Variants in MTHFD2L observed in about 807,000 individuals in gnomAD.
MTHFD2L encodes methylenetetrahydrofolate dehydrogenase (NADP+ dependent) 2 like, also known as bifunctional methylenetetrahydrofolate dehydrogenase/cyclohydrolase 2, mitochondrial.
In MTHFD2L, 29 loss-of-function variants were observed where a neutral mutation model predicts 34.9. The observed-to-expected ratio is 0.83, with a 90% confidence interval of 0.62 to 1.13. The LOEUF is 1.13. MTHFD2L is among the 50% of genes most tolerant of loss of function. The pLI, the probability that MTHFD2L is intolerant of heterozygous loss-of-function variation, is 0.00. For synonymous variants in MTHFD2L, 167 were observed against 155.7 expected (o/e 1.07, Z -0.54); for missense variants, 481 against 446.5 (o/e 1.08, Z -0.70).
chr4:74,293,445 C>T (rs993729322), intron 7 of MTHFD2L: 16 of 788,056 alleles, frequency 2.0e-5, no homozygotes, highest in African/African-American at 1.3e-4. Context: ...TACATTTCTA[C>T]CACATTAGGA....
At chr4:74,207,618 TCA>T (rs1287307478) in intron 5 of MTHFD2L, among the ~76,000 whole-genome samples, 2 of 152,184 alleles carry the variant, frequency 1.3e-5, no homozygotes, top group African/African-American at 2.4e-5. Flanking sequence ...CATTCAGTTT[TCA>T]CACTCAAGCT....
upstream of MTHFD2L, among the ~76,000 whole-genome samples, chr4:74,119,746 G>T (rs1721719293): frequency 6.6e-6 from 1 of 151,982 alleles, no homozygotes; most frequent in South Asian, 2.1e-4. Flanking sequence ...TCGTGCCACT[G>T]CACTCCAGCC....
intron 6 of MTHFD2L, among the ~76,000 whole-genome samples, chr4:74,249,717 T>A (rs1429164769): frequency 6.6e-6 from 1 of 152,168 alleles, no homozygotes; most frequent in African/African-American, 2.4e-5. Context: ...CTGTAAAGTA[T>A]TTTATTTCTC....
intron 6 of MTHFD2L, among the ~76,000 whole-genome samples, chr4:74,243,042 T>C (rs1221786278): frequency 6.6e-6 from 1 of 151,916 alleles, no homozygotes. Context: ...AATTTGAAAA[T>C]TGATGAGAGA....
At chr4:74,130,248 C>G (rs1722382573) in intron 1 of MTHFD2L, among the ~76,000 whole-genome samples, 1 of 152,138 alleles carries the variant, frequency 6.6e-6, no homozygotes, top group African/African-American at 2.4e-5. Flanking sequence ...AGGTCATCAT[C>G]ACCCTGATAC....
At chr4:74,227,230 C>A (rs2110127952) in intron 6 of MTHFD2L, among the ~76,000 whole-genome samples, 1 of 152,274 alleles carries the variant, frequency 6.6e-6, no homozygotes, top group Non-Finnish European at 1.5e-5. Flanking sequence ...GCATCGATAG[C>A]TTTTGCTCAG....
chr4:74,134,764 A>C (rs1304399555), intron 1 of MTHFD2L, among the ~76,000 whole-genome samples: 1 of 152,152 alleles, frequency 6.6e-6, no homozygotes, highest in African/African-American at 2.4e-5. Flanking sequence ...AAATTTAACA[A>C]GGAAATTGAA....
chr4:74,144,964 A>T (rs1723501649), intron 1 of MTHFD2L, among the ~76,000 whole-genome samples: 1 of 152,212 alleles, frequency 6.6e-6, no homozygotes, highest in Non-Finnish European at 1.5e-5. Context: ...CAGCAAAGAT[A>T]TCTGATCCTC....
chr4:74,295,808 A>T (rs1749559453), intron 7 of MTHFD2L, among the ~76,000 whole-genome samples: 1 of 152,042 alleles, frequency 6.6e-6, no homozygotes, highest in South Asian at 2.1e-4. Flanking sequence ...TACCTGAGGG[A>T]AGCTTCTTGC....
chr4:74,179,628 G>A (rs992054567), intron 3 of MTHFD2L, among the ~76,000 whole-genome samples: 1 of 151,118 alleles, frequency 6.6e-6, no homozygotes, highest in Non-Finnish European at 1.5e-5. Flanking sequence ...CTCATAAAAA[G>A]AGAATTGAAA....
At chr4:74,288,034 A>G (rs982063276) in intron 7 of MTHFD2L, among the ~76,000 whole-genome samples, 3 of 152,096 alleles carry the variant, frequency 2.0e-5, no homozygotes, top group African/African-American at 7.2e-5. Flanking sequence ...GTGTCTTCTC[A>G]TTGTCTTACC....
intron 1 of MTHFD2L, among the ~76,000 whole-genome samples, chr4:74,126,660 C>A (rs1016336694): frequency 6.6e-6 from 1 of 151,886 alleles, no homozygotes; most frequent in Non-Finnish European, 1.5e-5. Flanking sequence ...TAAGAAGCAC[C>A]CCCTACCAGT....
chr4:74,130,503 T>C (rs865982576), intron 1 of MTHFD2L, among the ~76,000 whole-genome samples: 4 of 152,160 alleles, frequency 2.6e-5, no homozygotes, highest in African/African-American at 9.7e-5. Context: ...ATTATCTCAA[T>C]AGATGCAGAA....
At chr4:74,184,679 T>C (rs1432595726) in intron 3 of MTHFD2L, among the ~76,000 whole-genome samples, 2 of 152,132 alleles carry the variant, frequency 1.3e-5, no homozygotes, top group Non-Finnish European at 2.9e-5. Context: ...ATAATTAAAA[T>C]TTATAGAATA....
Position 74,201,378 on chromosome 4 carries a change from G to A in MTHFD2L, c.712+8G>A, listed in dbSNP as rs767051072. 9.4e-6 allele frequency: 15 copies of A among 1,593,302 alleles called. No homozygotes were observed. In the East Asian group the frequency reaches 3.1e-4, roughly 33 times the overall value. Reference sequence around the variant, plus strand: ...AGCATGAACGGCCAGGAGGTAGGTAGAACCTTGCAGATTCTACACTCTCTC... The same window carrying A: ...AGCATGAACGGCCAGGAGGTAGGTAAAACCTTGCAGATTCTACACTCTCTC... On this transcript the variant is annotated splice_region_variant and intron_variant, in intron 5 of 7. Coordinates refer to ENST00000325278, the MANE Select transcript of MTHFD2L (RefSeq NM_001144978.3).
intron 7 of MTHFD2L, among the ~76,000 whole-genome samples, chr4:74,290,998 C>CTTTTTTTTTTTTTTTTTTTTTTTTT (rs1560565979): frequency 2.2e-5 from 1 of 46,186 alleles, no homozygotes; most frequent in African/African-American, 6.7e-5. Flanking sequence ...TTTATTTTTC[C>CTTTTTTTTTTTTTTTTTTTTTTTTT]TTTTCTTTTT....
intron 6 of MTHFD2L, among the ~76,000 whole-genome samples, chr4:74,232,553 A>T (rs978369428): frequency 6.6e-6 from 1 of 152,076 alleles, no homozygotes; most frequent in Non-Finnish European, 1.5e-5. Context: ...AGCTTTGTCA[A>T]TACCTGAGAG....
At chr4:74,125,850 T>C (rs1351552187) in intron 1 of MTHFD2L, among the ~76,000 whole-genome samples, 1 of 152,132 alleles carries the variant, frequency 6.6e-6, no homozygotes, top group African/African-American at 2.4e-5. Flanking sequence ...GAAAAATGAA[T>C]AAGAAAAAAT....
chr4:74,255,691 A>T (rs1743939784), intron 6 of MTHFD2L, among the ~76,000 whole-genome samples: 1 of 152,138 alleles, frequency 6.6e-6, no homozygotes, highest in South Asian at 2.1e-4. Flanking sequence ...TGCCATCTTT[A>T]TGTTCATGAT....
Sources: allele counts gnomAD v4.1 joint callset (sites outside exome capture counted in the v4.1 genomes callset), GRCh38; gene constraint gnomAD v4.1.1; transcripts MANE v1.5; gene names NCBI Gene and HGNC (gene_info 2026-07-23, HGNC 2026-07-21).